The following DPP6 variants were observed in gnomAD, a reference collection of about 807,000 sequenced individuals.
DPP6 encodes dipeptidyl peptidase like 6.
A neutral mutation model predicts 122.6 loss-of-function variants in DPP6; 69 were observed. That is an observed-to-expected ratio of 0.56 (90% CI 0.46 to 0.69). DPP6 has a LOEUF of 0.69. DPP6 is among the 30% of genes least tolerant of loss of function. The pLI is 0.00. For missense variants in DPP6, 928 were observed against 1,116.9 expected (o/e 0.83, Z 2.41); for synonymous variants, 418 against 433.1 (o/e 0.97, Z 0.43).
chr7:154,887,380 T>C (rs1229644968), intron 22 of DPP6, among the ~76,000 whole-genome samples: 1 of 152,230 alleles, frequency 6.6e-6, no homozygotes, highest in East Asian at 1.9e-4. Flanking sequence ...CCTACTTATT[T>C]AGGAATCAGA....
At chr7:154,678,800 G>A (rs1355209069) in intron 7 of DPP6, among the ~76,000 whole-genome samples, 2 of 152,202 alleles carry the variant, frequency 1.3e-5, no homozygotes, top group African/African-American at 2.4e-5. Context: ...TACTAGTTGC[G>A]TGACCTTGAC....
chr7:154,129,023 C>T (rs1808166083), intron 1 of DPP6, among the ~76,000 whole-genome samples: 2 of 152,192 alleles, frequency 1.3e-5, no homozygotes, highest in Admixed American at 1.3e-4. Context: ...GAGGACATAA[C>T]ATCTCCATCA....
rs1297540394 is a variant in DPP6, at chr7:154,877,794, C to G, written c.2078+1694C>G. On this transcript the variant is annotated intron_variant, in intron 20 of 25. Transcript: ENST00000377770. This position sits in a 1 kb window ranked among gnomAD's most constrained non-coding sequence, Gnocchi z 5.2. ...AGTGAGACAGGTGCAGGCAGCCCCCCCAGAGACCAAGTGGGTCCGTCTGAC... is the reference window on the plus strand; with the variant it reads ...AGTGAGACAGGTGCAGGCAGCCCCCGCAGAGACCAAGTGGGTCCGTCTGAC... Among the ~76,000 whole-genome samples, 5 of 152,234 alleles carry G rather than the reference C, an allele frequency of 3.3e-5. No homozygotes were observed. Among genetic ancestry groups the G allele is most frequent in the South Asian group, 2.1e-4 (1 of 4,836 alleles).
At chr7:154,634,642 TTCC>T (rs137927151) in intron 5 of DPP6, among the ~76,000 whole-genome samples, 21,751 of 151,034 alleles carry the variant, frequency 0.14, 1,792 homozygotes, top group East Asian at 0.2. Flanking sequence ...CCTCCTCTTC[TTCC>T]TCCTCCTCCT....
chr7:153,959,040 C>T (rs1795213178), intron 1 of DPP6, among the ~76,000 whole-genome samples: 1 of 152,084 alleles, frequency 6.6e-6, no homozygotes, highest in African/African-American at 2.4e-5. Flanking sequence ...TAATGAGAGG[C>T]ATTTGGTGGC....
At chr7:154,338,560 C>G (rs1162234858) in intron 1 of DPP6, among the ~76,000 whole-genome samples, 1 of 152,186 alleles carries the variant, frequency 6.6e-6, no homozygotes, top group Non-Finnish European at 1.5e-5. Context: ...CTGCATCCTT[C>G]CCCAGGGCCA....
chr7:154,760,301 A>G lies in DPP6; in HGVS notation c.884-9116A>G, dbSNP rs1795452808. ...GTTTGGAAAGTCCTTCAGCACACAC[A>G]ATTATTTCTTCACGATTACTCATGG... On this transcript the variant is annotated intron_variant, in intron 8 of 25. Coordinates refer to ENST00000377770, the MANE Select transcript of DPP6 (RefSeq NM_130797.4). This position sits in a 1 kb window ranked among gnomAD's most constrained non-coding sequence, Gnocchi z 4.5. Among the ~76,000 whole-genome samples the G allele has an allele frequency of 6.6e-6, 1 of 152,082 alleles. No homozygotes were observed. Among genetic ancestry groups the G allele is most frequent in the South Asian group, 2.1e-4 (1 of 4,826 alleles).
chr7:154,376,379 G>A (rs557345959), intron 1 of DPP6, among the ~76,000 whole-genome samples: 4 of 152,318 alleles, frequency 2.6e-5, no homozygotes, highest in Admixed American at 2.6e-4. Flanking sequence ...CAGACTCCCA[G>A]TAAGTGCCAT....
the DPP6 span, among the ~76,000 whole-genome samples, chr7:153,849,045 C>T: frequency 5.3e-5 from 8 of 152,046 alleles, no homozygotes; most frequent in African/African-American, 9.7e-5. Context: ...ATTGTAAGTT[C>T]CCTACCCCTA....
At chr7:153,838,872 C>A in the DPP6 span, among the ~76,000 whole-genome samples, 1 of 151,930 alleles carries the variant, frequency 6.6e-6, no homozygotes, top group African/African-American at 2.4e-5. Context: ...AAGTGAAATT[C>A]TTTCCCACTT....
chr7:154,051,939 G>A (rs998469743), upstream of DPP6, among the ~76,000 whole-genome samples: 1 of 151,900 alleles, frequency 6.6e-6, no homozygotes, highest in African/African-American at 2.4e-5. Context: ...GGTCCTCGGG[G>A]TGTCTCTGGT....
intron 1 of DPP6, among the ~76,000 whole-genome samples, chr7:154,345,279 C>T (rs1810299802): frequency 6.6e-6 from 1 of 152,118 alleles, no homozygotes; most frequent in Admixed American, 6.5e-5. Flanking sequence ...GGGCCTCACC[C>T]TCATGACTCA....
chr7:154,749,150 A>T (rs993321341), intron 8 of DPP6, among the ~76,000 whole-genome samples: 15 of 138,990 alleles, frequency 1.1e-4, no homozygotes, highest in Admixed American at 1.4e-4. Context: ...GGCTTTACTG[A>T]GAGAGGGTGA....
intron 6 of DPP6, among the ~76,000 whole-genome samples, chr7:154,638,262 G>A (rs1168777982): frequency 6.6e-6 from 1 of 152,168 alleles, no homozygotes; most frequent in African/African-American, 2.4e-5. Context: ...ACCCACACTA[G>A]CAGAATAGAA....
At chr7:154,847,499 A>G (rs1469320420) in intron 16 of DPP6, among the ~76,000 whole-genome samples, 2 of 151,940 alleles carry the variant, frequency 1.3e-5, no homozygotes, top group African/African-American at 4.8e-5. Flanking sequence ...TTTTCCCCAT[A>G]TTCTTTTATT....
intron 7 of DPP6, among the ~76,000 whole-genome samples, chr7:154,720,970 T>A (rs1841774605): frequency 6.6e-6 from 1 of 152,214 alleles, no homozygotes; most frequent in South Asian, 2.1e-4. Context: ...GCAGCTGCCA[T>A]GTCTGCTGGA....
At chr7:154,350,812 G>T (rs150786037) in intron 1 of DPP6, among the ~76,000 whole-genome samples, 159 of 152,332 alleles carry the variant, frequency 1.0e-3, no homozygotes, top group African/African-American at 3.7e-3. Flanking sequence ...CCTCAAATCC[G>T]CCTCTCTGAG....
intron 1 of DPP6, among the ~76,000 whole-genome samples, chr7:153,923,162 T>G (rs1226002640): frequency 7.9e-5 from 12 of 152,114 alleles, no homozygotes; most frequent in Non-Finnish European, 1.8e-4. Flanking sequence ...ATAGAAGGAT[T>G]TGAGATTAAG....
chr7:154,353,031 C>T (rs186947249), intron 1 of DPP6, among the ~76,000 whole-genome samples: 6 of 152,300 alleles, frequency 3.9e-5, no homozygotes, highest in East Asian at 3.9e-4. Context: ...AGAGATGCTC[C>T]GAGCATGCTC....
Sources: gnomAD v4.1 joint callset for allele counts (sites outside exome capture counted in the v4.1 genomes callset) on GRCh38, gnomAD v4.1.1 for gene constraint, Gnocchi (gnomAD v3.1) non-coding constraint, MANE v1.5 for transcripts, NCBI Gene and HGNC (gene_info 2026-07-23, HGNC 2026-07-21) for gene names.